Variants in SLC8A1 observed in about 807,000 individuals in gnomAD.
SLC8A1 encodes the protein sodium/calcium exchanger 1.
A neutral mutation model predicts 68.3 loss-of-function variants in SLC8A1; 18 were observed. The observed-to-expected ratio is 0.26, with a 90% CI of 0.18 to 0.39. The LOEUF (loss-of-function observed/expected upper bound fraction) is 0.39, where lower values mean the gene tolerates loss of function less well. SLC8A1 is among the 10% of genes least tolerant of loss of function. The pLI is 1.00. For synonymous variants in SLC8A1, 475 were observed against 415.5 expected (o/e 1.14, Z -1.74); for missense variants, 985 against 1,156.7 (o/e 0.85, Z 2.15).
At chr2:40,185,939 A>C (rs572196084) in intron 2 of SLC8A1, among the ~76,000 whole-genome samples, 1 of 152,168 alleles carries the variant, frequency 6.6e-6, no homozygotes, top group Non-Finnish European at 1.5e-5. Context: ...TTTCATTTAC[A>C]TGAAAGCTAA....
chr2:40,507,315 C>A (rs900114605), intron 1 of SLC8A1, among the ~76,000 whole-genome samples: 2 of 151,862 alleles, frequency 1.3e-5, no homozygotes, highest in Non-Finnish European at 2.9e-5. Context: ...GGCAGGGAGA[C>A]TACAAGGATG....
intron 2 of SLC8A1, among the ~76,000 whole-genome samples, chr2:40,324,554 A>C (rs903889311): frequency 9.2e-5 from 14 of 152,262 alleles, no homozygotes; most frequent in African/African-American, 2.9e-4. Context: ...ATTCAAAGTG[A>C]AGTAGCTCAT....
intron 2 of SLC8A1, among the ~76,000 whole-genome samples, chr2:40,309,816 A>G (rs2073358062): frequency 6.6e-6 from 1 of 152,024 alleles, no homozygotes; most frequent in Admixed American, 6.6e-5. Context: ...ACCATTTTTT[A>G]TTGATATATA....
chr2:40,139,938 C>T (rs566409365), intron 6 of SLC8A1, among the ~76,000 whole-genome samples: 2 of 152,336 alleles, frequency 1.3e-5, no homozygotes, highest in South Asian at 2.1e-4. Context: ...GCAATCAACA[C>T]ACCCTTTCTA....
exon 8 of SLC8A1, chr2:40,115,301 G>A: frequency 6.2e-7 from 1 of 1,614,012 alleles, no homozygotes; most frequent in Non-Finnish European, 8.5e-7. Flanking sequence ...AGAAGAAAAT[G>A]TACAAGAGCC....
chr2:40,160,933 T>G lies in SLC8A1; in HGVS notation c.2062-69A>C. ...GGCCTCAGGAAATCCAAGACCTTGT[T>G]GATTTTGAAACTCCAGAGTTATATA... is the stretch of plus-strand genomic sequence containing the variant. On this transcript the variant is annotated intron_variant, in intron 5 of 7. Coordinates refer to ENST00000406785, the Ensembl canonical transcript of SLC8A1. 5.2e-6 allele frequency: 6 copies of G among 1,147,804 alleles called. 1 individual carries two copies. In the South Asian group the frequency reaches 7.5e-5, roughly 14 times the overall value. The allele number at this position is 1,147,804 out of a possible 1,614,324, so 71.1% of individuals were successfully genotyped here. A position where few individuals can be genotyped will look rare whatever the true frequency, so the allele number is the denominator to read the frequency against.
intron 2 of SLC8A1, among the ~76,000 whole-genome samples, chr2:40,382,607 T>C (rs527303327): frequency 9.2e-5 from 14 of 152,198 alleles, no homozygotes; most frequent in African/African-American, 1.9e-4. Flanking sequence ...AAGACAATTA[T>C]AAAAGACTGG....
At chr2:40,243,791 T>C (rs1476933773) in intron 2 of SLC8A1, among the ~76,000 whole-genome samples, 1 of 152,114 alleles carries the variant, frequency 6.6e-6, no homozygotes, top group Non-Finnish European at 1.5e-5. Context: ...GTTGAATCTA[T>C]TTTTTTTCCT....
chr2:40,411,585 T>TA (rs540450581), intron 2 of SLC8A1, among the ~76,000 whole-genome samples: 215 of 151,912 alleles, frequency 1.4e-3, no homozygotes, highest in African/African-American at 4.9e-3. Flanking sequence ...ACGTTGTCTT[T>TA]AAAAAAACCT....
intron 2 of SLC8A1, among the ~76,000 whole-genome samples, chr2:40,262,152 G>A (rs1410442399): frequency 1.3e-5 from 2 of 151,968 alleles, no homozygotes; most frequent in African/African-American, 2.4e-5. Flanking sequence ...TAGTAGAGAC[G>A]GGGTTTCACC....
chr2:40,132,490 C>T (rs2039588338), intron 7 of SLC8A1, among the ~76,000 whole-genome samples: 2 of 151,876 alleles, frequency 1.3e-5, no homozygotes, highest in African/African-American at 2.4e-5. Context: ...ATGTAGCATA[C>T]AACCTGCACA....
intron 1 of SLC8A1, among the ~76,000 whole-genome samples, chr2:40,489,758 G>A (rs1705198042): frequency 6.6e-6 from 1 of 151,918 alleles, no homozygotes; most frequent in Non-Finnish European, 1.5e-5. Context: ...ACCATTAAGT[G>A]GCTTCTTGAC....
chr2:40,253,144 T>TATATACATACATATATATGTATATAC (rs1558968939), intron 2 of SLC8A1, among the ~76,000 whole-genome samples: 10 of 115,124 alleles, frequency 8.7e-5, no homozygotes, highest in Middle Eastern at 5.9e-3. Context: ...TATGTATATG[T>TATATACATACATATATATGTATATAC]ATATACATAC....
chr2:40,493,455 C>T (rs1219461100), intron 1 of SLC8A1, among the ~76,000 whole-genome samples: 1 of 150,914 alleles, frequency 6.6e-6, no homozygotes, highest in Non-Finnish European at 1.5e-5. Flanking sequence ...ATGTAACTAA[C>T]CTGCACATTG....
intron 2 of SLC8A1, among the ~76,000 whole-genome samples, chr2:40,407,575 C>A (rs1345166003): frequency 1.3e-5 from 2 of 152,168 alleles, no homozygotes; most frequent in East Asian, 1.9e-4. Flanking sequence ...TCCTTCCACA[C>A]CAACAGGTCC....
At chr2:40,423,541 T>C (rs1696067316) in intron 2 of SLC8A1, among the ~76,000 whole-genome samples, 2 of 152,002 alleles carry the variant, frequency 1.3e-5, no homozygotes, top group Admixed American at 1.3e-4. Context: ...GCCTTCTATG[T>C]AATGGCCTTG....
intron 1 of SLC8A1, among the ~76,000 whole-genome samples, chr2:40,461,978 T>C (rs933059730): frequency 3.3e-5 from 5 of 149,334 alleles, no homozygotes; most frequent in African/African-American, 1.2e-4. Flanking sequence ...ATGTTTATCC[T>C]CTCATTTTAA....
chr2:40,218,728 A>G (rs963502786), intron 2 of SLC8A1, among the ~76,000 whole-genome samples: 9 of 35,556 alleles, frequency 2.5e-4, no homozygotes, highest in African/African-American at 4.5e-4. Flanking sequence ...CTTCTGGGGG[A>G]AAAAAAAAAA....
intron 1 of SLC8A1, among the ~76,000 whole-genome samples, chr2:40,460,820 A>G (rs1372232756): frequency 2.6e-5 from 4 of 151,948 alleles, no homozygotes; most frequent in Admixed American, 2.6e-4. Flanking sequence ...TGATCTGCCC[A>G]CCTCAGCCTC....
Sources: gnomAD v4.1 joint callset for allele counts (sites outside exome capture counted in the v4.1 genomes callset) on GRCh38, gnomAD v4.1.1 for gene constraint, MANE v1.5 for transcripts, NCBI Gene and HGNC (gene_info 2026-07-23, HGNC 2026-07-21) for gene names.